Variants in SNORC observed in about 807,000 individuals in gnomAD.
The protein encoded by SNORC is secondary ossification center associated regulator of chondrocyte maturation, also known as protein SNORC.
SNORC carries 11 observed loss-of-function variants against 9.7 expected under a neutral mutation model. The ratio of observed to expected loss-of-function variants is 1.14; its 90% CI spans 0.72 to 1.88. The LOEUF is 1.88. SNORC is among the 40% of genes most tolerant of loss of function. SNORC has a pLI of 0.00. For synonymous variants in SNORC, 108 were observed against 88.7 expected (o/e 1.22, Z -1.22); for missense variants, 197 against 173.1 (o/e 1.14, Z -0.77).
intron 1 of SNORC, among the ~76,000 whole-genome samples, chr2:232,873,476 C>T (rs1691106458): frequency 6.6e-6 from 1 of 152,284 alleles, no homozygotes; most frequent in African/African-American, 2.4e-5. Context: ...TGAGCCCTGC[C>T]TTCTCAGGGG....
upstream of SNORC, chr2:232,870,156 T>G (rs186848570): frequency 7.5e-4 from 470 of 628,298 alleles, 1 homozygote; most frequent in African/African-American, 7.3e-3. Flanking sequence ...CTGTGAGCTC[T>G]TGTGTGTGTG....
At chr2:232,867,187 T>G (rs1375576457), upstream of SNORC, among the ~76,000 whole-genome samples, 1 of 152,226 alleles carries the variant, frequency 6.6e-6, no homozygotes, top group East Asian at 1.9e-4. Context: ...AGCTTCACAC[T>G]TCCTTGGTGT....
intron 1 of SNORC, among the ~76,000 whole-genome samples, chr2:232,874,266 T>C (rs1691134364): frequency 6.6e-6 from 1 of 152,222 alleles, no homozygotes; most frequent in Non-Finnish European, 1.5e-5. Flanking sequence ...TGAGAGTAAG[T>C]TGCAGAAGTC....
chr2:232,876,303 T>G lies in SNORC; in HGVS notation c.313T>G (p.Cys105Gly), dbSNP rs1250022344. The G allele has an allele frequency of 1.3e-6, 2 of 1,542,632 alleles. No homozygotes were observed. Among genetic ancestry groups the G allele is most frequent in the Non-Finnish European group, 1.7e-6 (2 of 1,147,996 alleles). ...CGTGATCGCCGCCCTGCTGGCCACC[T>G]GCGTGGTGCTGGCGCTCGTGGTCGT... The change falls in exon 3 of 3, where the codon TGC becomes GGC. Residue 105 changes from cysteine to glycine, a missense_variant. Physicochemically the swap from Cys to Gly is radical, Grantham distance 159 (BLOSUM62 -3). Coordinates refer to ENST00000331342, the Ensembl canonical transcript of SNORC. The surrounding 1 kb of genome is among the most constrained non-coding windows in gnomAD (Gnocchi z 6.8).
downstream of SNORC, chr2:232,876,734 C>G: frequency 3.0e-6 from 3 of 986,352 alleles, no homozygotes; most frequent in South Asian, 1.4e-4. The surrounding 1 kb of genome is among the most constrained non-coding windows in gnomAD (Gnocchi z 6.8). Context: ...GCCGCCAGGG[C>G]ATCGGAGCGG....
At position 232,872,473 on chromosome 2, in the gene SNORC, G is replaced by A. The variant is rs561892576; in HGVS notation, c.73+2059G>A. ...CTGGGGCCAGTGGGGCTGGGAGAGA[G>A]CCCGTGGTGCCCAGGCTTGTGGCAG... On this transcript the variant is annotated intron_variant, in intron 1 of 2. Transcript: ENST00000331342. Among the ~76,000 whole-genome samples the A allele has an allele frequency of 7.2e-5, 11 of 152,314 alleles. No homozygotes were observed. In the South Asian group the frequency reaches 1.0e-3, roughly 14 times the overall value.
rs746391431 is a variant in SNORC, at chr2:232,875,875, G to T, written c.74-65G>T. On this transcript the variant is annotated intron_variant, in intron 1 of 2. Coordinates refer to ENST00000331342, the Ensembl canonical transcript of SNORC. ...TACCGGCAACTTGCTTAACCTAGAG[G>T]TGGGGGGTGACGTCCCTGTCGGCCC... The T allele has an allele frequency of 3.1e-4, 453 of 1,482,720 alleles. 2 individuals are homozygous for T. The highest frequency in any genetic ancestry group is 3.8e-4 in the Non-Finnish European group (420 of 1,111,818). 91.8% of individuals were successfully genotyped at this position (1,482,720 alleles called of 1,614,324 possible). A position where few individuals can be genotyped will look rare whatever the true frequency, so the allele number is the denominator to read the frequency against.
chr2:232,872,049 G>GC (rs892725832), intron 1 of SNORC, among the ~76,000 whole-genome samples: 4 of 152,172 alleles, frequency 2.6e-5, no homozygotes, highest in African/African-American at 7.2e-5. Context: ...GAGTAGGCAG[G>GC]CCCCCCGCAG....
Position 232,872,930 on chromosome 2 carries a change from C to CT in SNORC, c.73+2517dup, listed in dbSNP as rs1313235909. The stretch of plus-strand genomic sequence containing the variant: ...TGGTGGATCGGTGGCTGAGTGCAGG[C>CT]TGTCATTCCGAGCCTATGTGTCTGC... On this transcript the variant is annotated intron_variant, in intron 1 of 2. Transcript: ENST00000331342. 1.5e-4 allele frequency among the ~76,000 whole-genome samples: 23 copies of CT among 152,358 alleles called. 1 individual carries two copies. In the South Asian group the frequency reaches 2.1e-3, roughly 14 times the overall value.
chr2:232,871,081 G>A (rs187804132), intron 1 of SNORC, among the ~76,000 whole-genome samples: 6 of 152,320 alleles, frequency 3.9e-5, no homozygotes, highest in Non-Finnish European at 7.4e-5. Context: ...GCGCAGACGG[G>A]TTACAGGTGG....
intron 1 of SNORC, among the ~76,000 whole-genome samples, chr2:232,870,958 C>A (rs1313305808): frequency 1.3e-5 from 2 of 152,314 alleles, no homozygotes; most frequent in African/African-American, 4.8e-5. Context: ...GGACTGAGAT[C>A]AGAGTGGCGG....
chr2:232,877,458 A>G (rs1691317343), downstream of SNORC: 2 of 724,584 alleles, frequency 2.8e-6, no homozygotes, highest in Non-Finnish European at 3.4e-6. Context: ...GAAGGGTTGG[A>G]CAGTTTGGAG....
rs1691233806 is a variant in SNORC, at chr2:232,876,214, C to T, written c.257-33C>T. 1 of 1,485,650 alleles carries T rather than the reference C, an allele frequency of 6.7e-7. No homozygotes were observed. Among genetic ancestry groups the T allele is most frequent in the Admixed American group, 2.4e-5 (1 of 42,150 alleles). 92.0% of individuals were successfully genotyped at this position (1,485,650 alleles called of 1,614,324 possible). On this transcript the variant is annotated intron_variant, in intron 2 of 2. Coordinates refer to ENST00000331342, the Ensembl canonical transcript of SNORC. The surrounding 1 kb of genome is among the most constrained non-coding windows in gnomAD (Gnocchi z 6.8). ...GGGAGAAGGGCCGGCCAGGCGGGGG[C>T]TAGCAGGTGACATGGTCCTCCGTCC...
downstream of SNORC, chr2:232,876,853 G>A (rs900021735): frequency 2.0e-6 from 2 of 985,570 alleles, no homozygotes; most frequent in Non-Finnish European, 2.4e-6. The surrounding 1 kb of genome is among the most constrained non-coding windows in gnomAD (Gnocchi z 6.8). Context: ...CGCGGGCCGA[G>A]GCCCTCGCCG....
downstream of SNORC, chr2:232,876,621 A>G (rs891247109): frequency 6.4e-5 from 68 of 1,060,452 alleles, no homozygotes; most frequent in Middle Eastern, 8.7e-4. This position sits in a 1 kb window ranked among gnomAD's most constrained non-coding sequence, Gnocchi z 6.8. Context: ...TGTGGCGTGC[A>G]CCTGAGCGCG....
Position 232,876,105 on chromosome 2 carries a change from G to C in SNORC, c.239G>C (p.Arg80Pro), listed in dbSNP as rs1381805929. ...CCCGAGGACAGCACCGCGCAGGAGC[G>C]GCTGGACCAGGGCGGCGGTACGGGC... Residue 80 changes from arginine to proline, a missense_variant, in exon 2 of 3, where the codon CGG becomes CCG. Arg to Pro is a moderately radical substitution (Grantham distance 103). Coordinates refer to ENST00000331342, the Ensembl canonical transcript of SNORC. The surrounding 1 kb of genome is among the most constrained non-coding windows in gnomAD (Gnocchi z 6.8). 19 of 1,506,402 alleles carry C rather than the reference G, an allele frequency of 1.3e-5. No homozygotes were observed. The highest frequency in any genetic ancestry group is 1.6e-5 in the Non-Finnish European group (18 of 1,134,968). 93.3% of individuals were successfully genotyped at this position (1,506,402 alleles called of 1,614,324 possible).
intron 1 of SNORC, 63 bp downstream of exon 1, chr2:232,870,477 GGCC>G: frequency 6.8e-7 from 1 of 1,464,782 alleles, no homozygotes; most frequent in Non-Finnish European, 9.3e-7. Context: ...ACTACCTTGG[GGCC>G]AGATTCTTCA....
At chr2:232,874,374 C>T (rs528825091) in intron 1 of SNORC, among the ~76,000 whole-genome samples, 1 of 152,342 alleles carries the variant, frequency 6.6e-6, no homozygotes, top group South Asian at 2.1e-4. Context: ...TGAGGCAGTC[C>T]TAAGCCACAC....
chr2:232,874,754 C>T (rs903376448), intron 1 of SNORC, among the ~76,000 whole-genome samples: 5 of 152,222 alleles, frequency 3.3e-5, no homozygotes, highest in African/African-American at 1.2e-4. Context: ...GCCCTAGGGT[C>T]GCCGGCTGGC....
Sources: gnomAD v4.1 joint callset for allele counts (sites outside exome capture counted in the v4.1 genomes callset) on GRCh38, gnomAD v4.1.1 for gene constraint, Gnocchi (gnomAD v3.1) non-coding constraint, MANE v1.5 for transcripts, NCBI Gene and HGNC (gene_info 2026-07-23, HGNC 2026-07-21) for gene names.